Variants in FAM135B observed in about 807,000 individuals in gnomAD.
FAM135B encodes the protein family with sequence similarity 135 member B, also known as protein FAM135B.
Under a neutral mutation model 127.7 loss-of-function variants are expected in FAM135B, and 43 were observed. The ratio of observed to expected loss-of-function variants is 0.34; its 90% CI spans 0.26 to 0.43. FAM135B has a LOEUF of 0.43. Among genes scored for constraint, FAM135B ranks in the 20% least tolerant of loss-of-function variants. FAM135B has a pLI of 1.00. For missense variants in FAM135B, 1,558 were observed against 1,725.6 expected, an observed-to-expected ratio of 0.90 and a Z score of 1.72; for synonymous variants, 670 against 665.1, an observed-to-expected ratio of 1.01 and a Z score of -0.11.
chr8:138,152,401 G>A lies in FAM135B; in HGVS notation c.2074C>T (p.Pro692Ser), dbSNP rs1365742934. 3.7e-6 allele frequency: 6 copies of A among 1,614,174 alleles called. No individual in the cohort carries two copies. The highest frequency in any genetic ancestry group is 5.1e-6 in the Non-Finnish European group (6 of 1,180,036). ...GCCTCTGACCAGGCGACGGAGCTTG[G>A]CTCACTCTCAATGCCTGAATCAGAT... ...IISDSGIESE[P>S]SSVAWSEARS... Residue 692 changes from proline (P) to serine (S), a missense_variant, in exon 13 of 20, where the codon CCA (proline) becomes TCA (serine). Around this residue, in one of 5 missense-constraint regions of FAM135B, gnomAD observed 923 missense variants for 865.3 expected, o/e 1.07. Transcript: ENST00000395297.
chr8:138,190,149 G>A (rs936985214), intron 9 of FAM135B, among the ~76,000 whole-genome samples: 7 of 152,068 alleles, frequency 4.6e-5, no homozygotes, highest in Non-Finnish European at 7.4e-5. Flanking sequence ...TGACTGTCTT[G>A]GTAAATTCTC....
chr8:138,240,805 C>T (rs1455343528), intron 7 of FAM135B, among the ~76,000 whole-genome samples: 2 of 152,190 alleles, frequency 1.3e-5, no homozygotes, highest in African/African-American at 4.8e-5. Flanking sequence ...GAAACCTTCT[C>T]ATAATCATCT....
chr8:138,148,834 C>A, intron 13 of FAM135B, 148 bp from the exon 14 acceptor site: 1 of 563,166 alleles, frequency 1.8e-6, no homozygotes, highest in Non-Finnish European at 3.1e-6. Context: ...AGGGAACATG[C>A]TAGTGAGTGA....
intron 8 of FAM135B, among the ~76,000 whole-genome samples, chr8:138,196,637 A>T (rs1816655846): frequency 6.6e-6 from 1 of 152,258 alleles, no homozygotes; most frequent in Non-Finnish European, 1.5e-5. Context: ...GTCTAGGGGT[A>T]CATATAGGGA....
chr8:138,486,913 T>C (rs1815004049), intron 1 of FAM135B, among the ~76,000 whole-genome samples: 2 of 152,004 alleles, frequency 1.3e-5, no homozygotes, highest in South Asian at 4.2e-4. Flanking sequence ...AACTCATCTG[T>C]GTTGTCTAGG....
Position 138,339,205 on chromosome 8 carries a change from C to G in FAM135B, c.78-28285G>C, listed in dbSNP as rs143537103. On this transcript the variant is annotated intron_variant, in intron 2 of 19. Transcript: ENST00000395297. ...AGTACACCAACATGGCACATGTATA[C>G]ATATGTAACTAACCTGCACGTTGTG... is the stretch of plus-strand genomic sequence containing the variant. 8.7e-3 allele frequency among the ~76,000 whole-genome samples: 1,319 copies of G among 151,920 alleles called. 24 individuals are homozygous for G. The highest frequency in any genetic ancestry group is 0.031 in the African/African-American group (1,265 of 41,352).
intron 7 of FAM135B, among the ~76,000 whole-genome samples, chr8:138,240,458 G>A (rs1398141566): frequency 3.3e-5 from 5 of 152,200 alleles, no homozygotes; most frequent in Non-Finnish European, 1.5e-5. Flanking sequence ...ACTGGCTCCT[G>A]CCGTGTGAAG....
intron 11 of FAM135B, among the ~76,000 whole-genome samples, chr8:138,177,091 G>T (rs528476600): frequency 2.6e-5 from 4 of 152,194 alleles, no homozygotes; most frequent in African/African-American, 9.6e-5. Context: ...AGGGACCTAG[G>T]GTGCCTTGAT....
chr8:138,308,935 C>T (rs1296115690), intron 3 of FAM135B: 8 of 426,090 alleles, frequency 1.9e-5, no homozygotes, highest in Admixed American at 8.5e-5. Context: ...ACCCTGAGAG[C>T]AGGTTCCTCA....
At chr8:138,310,281 G>GT (rs1419557318) in intron 3 of FAM135B, among the ~76,000 whole-genome samples, 1 of 152,028 alleles carries the variant, frequency 6.6e-6, no homozygotes, top group Non-Finnish European at 1.5e-5. Context: ...TTCTGGCATG[G>GT]TAAGTTCTCT....
chr8:138,136,055 A>C (rs1816634155), intron 19 of FAM135B, among the ~76,000 whole-genome samples: 1 of 152,086 alleles, frequency 6.6e-6, no homozygotes, highest in Non-Finnish European at 1.5e-5. Context: ...GTTTTTAATC[A>C]GAAAAAAAGA....
intron 1 of FAM135B, among the ~76,000 whole-genome samples, chr8:138,380,380 G>T (rs1198613961): frequency 6.6e-6 from 1 of 152,012 alleles, no homozygotes; most frequent in Non-Finnish European, 1.5e-5. Context: ...TATTAGTGGA[G>T]ATGGGGTTTT....
intron 1 of FAM135B, among the ~76,000 whole-genome samples, chr8:138,476,672 T>G (rs1246326721): frequency 6.6e-6 from 1 of 152,156 alleles, no homozygotes; most frequent in African/African-American, 2.4e-5. Context: ...ATAACCCACT[T>G]TCAGAAACTC....
In FAM135B at chr8:138,141,731, G is replaced by A. The variant is rs1285904764; in HGVS notation, c.3639-382C>T. Among the ~76,000 whole-genome samples the A allele has an allele frequency of 6.6e-6, 1 of 151,946 alleles. No individual in the cohort carries two copies. Among genetic ancestry groups the A allele is most frequent in the Admixed American group, 6.6e-5 (1 of 15,256 alleles). The stretch of plus-strand genomic sequence containing the variant: ...AAGTCCCAAGTCCTTATCCTGCTTG[G>A]GAGGCCATTCATATACGGATGGCCT... On this transcript the variant is annotated intron_variant, in intron 16 of 19. Transcript: ENST00000395297. The surrounding 1 kb of genome is among the most constrained non-coding windows in gnomAD (Gnocchi z 4.7).
intron 4 of FAM135B, among the ~76,000 whole-genome samples, chr8:138,260,258 C>T (rs900479516): frequency 3.3e-5 from 5 of 152,328 alleles, no homozygotes; most frequent in African/African-American, 1.2e-4. Flanking sequence ...ATGAGCCTCA[C>T]TAACTGACCA....
At chr8:138,325,358 G>T (rs1243687510) in intron 2 of FAM135B, among the ~76,000 whole-genome samples, 1 of 152,086 alleles carries the variant, frequency 6.6e-6, no homozygotes. Flanking sequence ...CATGCAAATG[G>T]ACAAACATCA....
chr8:138,144,127 T>C (rs1471558973), intron 15 of FAM135B, among the ~76,000 whole-genome samples: 1 of 152,144 alleles, frequency 6.6e-6, no homozygotes, highest in Non-Finnish European at 1.5e-5. Context: ...ATGTTAAAAA[T>C]TAGGTAAAAT....
chr8:138,347,606 T>C (rs1202806867), intron 2 of FAM135B, among the ~76,000 whole-genome samples: 1 of 152,134 alleles, frequency 6.6e-6, no homozygotes, highest in Non-Finnish European at 1.5e-5. Flanking sequence ...CATAACCCCT[T>C]GAGATTTTTT....
At chr8:138,404,953 T>C (rs555792214) in intron 1 of FAM135B, among the ~76,000 whole-genome samples, 3 of 152,332 alleles carry the variant, frequency 2.0e-5, no homozygotes, top group South Asian at 4.1e-4. Context: ...ATGTTCTTAA[T>C]GGCAGCTAAA....
Sources: gnomAD v4.1 joint callset for allele counts (sites outside exome capture counted in the v4.1 genomes callset) on GRCh38, gnomAD v4.1.1 for gene constraint, gnomAD v4.1.1 regional missense constraint, Gnocchi (gnomAD v3.1) non-coding constraint, MANE v1.5 for transcripts, NCBI Gene and HGNC (gene_info 2026-07-23, HGNC 2026-07-21) for gene names.